The following RPS6KA2 variants were observed in gnomAD, a reference collection of about 807,000 sequenced individuals.
RPS6KA2 encodes the protein ribosomal protein S6 kinase A2.
In RPS6KA2, 42 loss-of-function variants were observed where a neutral mutation model predicts 91.8. The observed-to-expected ratio is 0.46, with a 90% CI of 0.36 to 0.59. The LOEUF is 0.59. RPS6KA2 is among the 20% of genes least tolerant of loss of function. The pLI is 0.00. For missense variants in RPS6KA2, 798 were observed against 978.5 expected (o/e 0.82, Z 2.46); for synonymous variants, 414 against 393.6 (o/e 1.05, Z -0.61).
At chr6:166,841,311 T>C (rs1484476036) in intron 2 of RPS6KA2, among the ~76,000 whole-genome samples, 1 of 152,210 alleles carries the variant, frequency 6.6e-6, no homozygotes, top group African/African-American at 2.4e-5. Context: ...AAAAGGAAGA[T>C]ACTGCATTCT....
At chr6:166,789,645 G>A (rs1244197307) in intron 2 of RPS6KA2, among the ~76,000 whole-genome samples, 5 of 152,196 alleles carry the variant, frequency 3.3e-5, no homozygotes, top group Admixed American at 3.3e-4. Flanking sequence ...CACACGGCCG[G>A]GTACTCCTCT....
intron 1 of RPS6KA2, among the ~76,000 whole-genome samples, chr6:166,553,978 T>C (rs563136135): frequency 6.6e-6 from 1 of 152,192 alleles, no homozygotes; most frequent in South Asian, 2.1e-4. Context: ...CATGGGAAAC[T>C]AGTATGCGTA....
At chr6:166,430,397 G>T (rs1248662180) in intron 16 of RPS6KA2, 56 bp downstream of exon 16, 33 of 1,520,904 alleles carry the variant, frequency 2.2e-5, no homozygotes, top group Non-Finnish European at 2.1e-5. Context: ...TTGTGGTTTT[G>T]GTTCCTGCCC....
intron 2 of RPS6KA2, among the ~76,000 whole-genome samples, chr6:166,791,647 G>T (rs1260174717): frequency 6.6e-6 from 1 of 152,044 alleles, no homozygotes; most frequent in Non-Finnish European, 1.5e-5. Flanking sequence ...TAAAAGAACA[G>T]AAATTACAAC....
At chr6:166,480,247 G>A (rs1162479606) in intron 10 of RPS6KA2, among the ~76,000 whole-genome samples, 5 of 151,920 alleles carry the variant, frequency 3.3e-5, no homozygotes, top group African/African-American at 1.2e-4. Context: ...GCTAACTTGA[G>A]AGGTAAAAAT....
At chr6:166,462,091 G>A (rs1257445087) in intron 11 of RPS6KA2, among the ~76,000 whole-genome samples, 1 of 152,266 alleles carries the variant, frequency 6.6e-6, no homozygotes, top group Non-Finnish European at 1.5e-5. Context: ...CACCCAGGGT[G>A]AAGGTGGGAG....
Position 166,490,162 on chromosome 6 carries a change from TA to T in RPS6KA2, c.818+508del, listed in dbSNP as rs995207868. ...AAATGGTTTGTATCCAGTCACATGG[TA>T]AAACGATACCGAGTCCTGCCAAGGT... On this transcript the variant is annotated intron_variant, in intron 9 of 20. Transcript: ENST00000265678. This position sits in a 1 kb window ranked among gnomAD's most constrained non-coding sequence, Gnocchi z 4.2. Among the ~76,000 whole-genome samples the T allele has an allele frequency of 6.6e-6, 1 of 152,146 alleles. No homozygotes were observed. The highest frequency in any genetic ancestry group is 2.4e-5 in the African/African-American group (1 of 41,432).
At chr6:166,715,943 C>T (rs994164145) in intron 2 of RPS6KA2, among the ~76,000 whole-genome samples, 3 of 144,886 alleles carry the variant, frequency 2.1e-5, no homozygotes, top group African/African-American at 7.8e-5. Flanking sequence ...GAGGCTGAGG[C>T]AAAAGAATCG....
chr6:166,660,412 G>A (rs1788132922), intron 2 of RPS6KA2, among the ~76,000 whole-genome samples: 1 of 151,792 alleles, frequency 6.6e-6, no homozygotes, highest in Non-Finnish European at 1.5e-5. Flanking sequence ...GTGTGTGTGT[G>A]TGTGTGTGTG....
At chr6:166,826,526 C>A (rs1780052103) in intron 2 of RPS6KA2, among the ~76,000 whole-genome samples, 1 of 152,208 alleles carries the variant, frequency 6.6e-6, no homozygotes, top group Non-Finnish European at 1.5e-5. Flanking sequence ...TTGCAGACAA[C>A]TCTGAGATTT....
rs953222019 is a variant in RPS6KA2, at chr6:166,603,199, T to G, written c.99+23722A>C. Among the ~76,000 whole-genome samples the G allele has an allele frequency of 5.9e-5, 9 of 152,236 alleles. No homozygotes were observed. The highest frequency in any genetic ancestry group is 1.3e-4 in the Non-Finnish European group (9 of 68,044). ...TCACAGATCCAGAAAGAGCCTTCCCTCTGCTACTTCCCTGTCTGCGGTCTC... is the reference window on the plus strand; with the variant it reads ...TCACAGATCCAGAAAGAGCCTTCCCGCTGCTACTTCCCTGTCTGCGGTCTC... On this transcript the variant is annotated intron_variant, in intron 1 of 20. Coordinates refer to ENST00000265678, the MANE Select transcript of RPS6KA2 (RefSeq NM_021135.6). This position sits in a 1 kb window ranked among gnomAD's most constrained non-coding sequence, Gnocchi z 4.3.
chr6:166,724,340 G>A (rs1357706617), intron 2 of RPS6KA2, among the ~76,000 whole-genome samples: 1 of 151,940 alleles, frequency 6.6e-6, no homozygotes, highest in Non-Finnish European at 1.5e-5. Context: ...ACGGCAGCTA[G>A]CTCTTTGTTG....
At chr6:166,681,097 G>A (rs955733392) in intron 2 of RPS6KA2, among the ~76,000 whole-genome samples, 13 of 152,190 alleles carry the variant, frequency 8.5e-5, no homozygotes, top group Non-Finnish European at 1.8e-4. Context: ...AGGGAAAATT[G>A]GAGAAGGTGG....
chr6:166,471,020 A>G (rs117269853), intron 10 of RPS6KA2, among the ~76,000 whole-genome samples: 2 of 152,146 alleles, frequency 1.3e-5, no homozygotes, highest in Admixed American at 1.3e-4. Flanking sequence ...CTCCGGGCCC[A>G]GGGCTGGGGA....
At chr6:166,782,835 C>A (rs1014153163) in intron 2 of RPS6KA2, among the ~76,000 whole-genome samples, 1 of 152,100 alleles carries the variant, frequency 6.6e-6, no homozygotes, top group Non-Finnish European at 1.5e-5. Flanking sequence ...CAAATGCACT[C>A]GTCAGTTCTA....
intron 1 of RPS6KA2, among the ~76,000 whole-genome samples, chr6:166,611,193 A>G (rs1375018492): frequency 1.3e-5 from 2 of 152,254 alleles, no homozygotes; most frequent in Non-Finnish European, 2.9e-5. Context: ...ATATTTTCCA[A>G]ATATACATCC....
intron 2 of RPS6KA2, among the ~76,000 whole-genome samples, chr6:166,645,101 G>A (rs1444533655): frequency 1.3e-5 from 2 of 152,212 alleles, no homozygotes; most frequent in Admixed American, 1.3e-4. Context: ...ATTTTAAACT[G>A]TCCAATTTGT....
intron 2 of RPS6KA2, among the ~76,000 whole-genome samples, chr6:166,746,137 G>A (rs1017684339): frequency 6.6e-6 from 1 of 152,200 alleles, no homozygotes; most frequent in South Asian, 2.1e-4. Flanking sequence ...GTGGACAGCT[G>A]AGTGGCCAGT....
At chr6:166,779,532 G>C (rs1181556626) in intron 2 of RPS6KA2, among the ~76,000 whole-genome samples, 21 of 152,182 alleles carry the variant, frequency 1.4e-4, no homozygotes. Flanking sequence ...TGGAATAGGG[G>C]AGAGCCCAGG....
Sources: allele counts gnomAD v4.1 joint callset (sites outside exome capture counted in the v4.1 genomes callset), GRCh38; gene constraint gnomAD v4.1.1; non-coding constraint Gnocchi (gnomAD v3.1); transcripts MANE v1.5; gene names NCBI Gene and HGNC (gene_info 2026-07-23, HGNC 2026-07-21).